Variants in SNAPC4 observed in about 807,000 individuals in gnomAD.
SNAPC4 encodes the protein snRNA-activating protein complex subunit 4.
In SNAPC4, 127 loss-of-function variants were observed where a neutral mutation model predicts 151.3. The ratio of observed to expected loss-of-function variants is 0.84; its 90% confidence interval spans 0.73 to 0.97. The LOEUF is 0.97. Ranked by LOEUF, SNAPC4 falls within the 50% of genes least tolerant of loss-of-function variation. SNAPC4 has a pLI of 0.00. For synonymous variants in SNAPC4, 1,002 were observed against 824.4 expected (o/e 1.22, Z -3.69); for missense variants, 2,186 against 1,935.0 (o/e 1.13, Z -2.43).
intron 22 of SNAPC4, 97 bp from the exon 23 acceptor site, chr9:136,376,578 G>A (rs1021609919): frequency 7.0e-5 from 102 of 1,457,024 alleles, no homozygotes; most frequent in Non-Finnish European, 9.0e-5. Flanking sequence ...GTGGGTGAGT[G>A]TCCCACTTGG....
At position 136,376,416 on chromosome 9, in the gene SNAPC4, G is replaced by A. The variant is rs1298192115; in HGVS notation, c.4350C>T (p.Asp1450=). Residue 1450 remains aspartate (D), a synonymous_variant, in exon 23 of 24, where the codon GAC becomes GAT. Transcript: ENST00000684778. ...CATGCCGGGTTCTGAGCACGTCCAG[G>A]TCGTCAGGGTCATTAGAAGTATCCA... is the stretch of plus-strand genomic sequence containing the variant. ...SCLDTSNDPD[D]LDVLRTRHAR... The A allele has an allele frequency of 3.7e-6, 6 of 1,613,508 alleles. No individual in the cohort carries two copies. The highest frequency in any genetic ancestry group is 1.7e-5 in the Admixed American group (1 of 60,030).
At chr9:136,376,558 G>A in intron 22 of SNAPC4, 77 bp from the exon 23 acceptor site, 1 of 1,560,118 alleles carries the variant, frequency 6.4e-7, no homozygotes, top group Non-Finnish European at 8.8e-7. Flanking sequence ...CGGGAGTGAG[G>A]AGGGGCCCTG....
chr9:136,387,818 A>G lies in SNAPC4; in HGVS notation c.1154T>C (p.Met385Thr). ...CTTGGTCCATCGGTAGATCAGCTGC[A>G]TGGAGTCTCTCCCTTCCATATAGTA... ...IVYYMEGRDS[M>T]QLIYRWTKSL... Residue 385 changes from methionine to threonine, a missense_variant, in exon 12 of 24, where the codon ATG (methionine) becomes ACG (threonine). Met to Thr is a moderately conservative substitution (Grantham distance 81). Transcript: ENST00000684778. 6.2e-7 allele frequency: 1 copy of G among 1,611,182 alleles called. No homozygotes were observed. The highest frequency in any genetic ancestry group is 1.1e-5 in the South Asian group (1 of 91,042).
Position 136,383,895 on chromosome 9 carries a change from C to A in SNAPC4, c.1500+58G>T. ...CCCTCCCCTCCTCCTGCCTGCTGGA[C>A]CCCCCAGTTGACCAGGCCATTGTCT... is the stretch of plus-strand genomic sequence containing the variant. On this transcript the variant is annotated intron_variant, in intron 15 of 23. Coordinates refer to ENST00000684778, the MANE Select transcript of SNAPC4 (RefSeq NM_003086.4). This position sits in a 1 kb window ranked among gnomAD's most constrained non-coding sequence, Gnocchi z 4.2. 1.4e-6 allele frequency: 2 copies of A among 1,470,708 alleles called. No homozygotes were observed. Among genetic ancestry groups the A allele is most frequent in the Non-Finnish European group, 1.9e-6 (2 of 1,051,350 alleles). 91.1% of individuals were successfully genotyped at this position (1,470,708 alleles called of 1,614,324 possible).
rs1296970805 is a variant in SNAPC4 at position 136,378,708 on chromosome 9, G to A, written c.3119C>T (p.Ala1040Val). ...GGGGGCTGCGGGGAGAAAGGGTGGC[G>A]CCTCAGGCAGGCCCTGCTTCCGGGA... ...AASRKQGLPE[A>V]PPFLPAAPSP... The change falls in exon 22 of 24, where the codon GCG becomes GTG. Residue 1040 changes from alanine (A) to valine (V), a missense_variant. Ala to Val is a moderately conservative substitution (Grantham distance 64, BLOSUM62 0). Coordinates refer to ENST00000684778, the MANE Select transcript of SNAPC4 (RefSeq NM_003086.4). 78 of 1,497,622 alleles carry A rather than the reference G, an allele frequency of 5.2e-5. No individual in the cohort carries two copies. The highest frequency in any genetic ancestry group is 6.7e-5 in the Non-Finnish European group (75 of 1,123,118). The allele number at this position is 1,497,622 out of a possible 1,614,324, so 92.8% of individuals were successfully genotyped here.
At chr9:136,376,101 A>G (rs1833435010) in intron 23 of SNAPC4, among the ~76,000 whole-genome samples, 1 of 152,178 alleles carries the variant, frequency 6.6e-6, no homozygotes, top group East Asian at 1.9e-4. Context: ...CAGACCCCAA[A>G]GGCAGGGAAT....
In SNAPC4 at chr9:136,395,365, C is replaced by A; in HGVS notation, c.404G>T (p.Ser135Ile). The A allele has an allele frequency of 6.2e-7, 1 of 1,613,604 alleles. No homozygotes were observed. Among genetic ancestry groups the A allele is most frequent in the Non-Finnish European group, 8.5e-7 (1 of 1,179,950 alleles). ...CCCCATGTATGTGCTTGGGGGCAGG[C>A]TTTTGCCATCTTTCACCTTGGTGCC... is the stretch of plus-strand genomic sequence containing the variant. ...SKGTKVKDGK[S>I]LPPSTYMGHF... is the part of the protein sequence containing the mutation. Residue 135 changes from serine (S) to isoleucine (I), a missense_variant, in exon 5 of 24, where the codon AGC becomes ATC. Ser to Ile is a moderately radical substitution (Grantham distance 142). Coordinates refer to ENST00000684778, the MANE Select transcript of SNAPC4 (RefSeq NM_003086.4).
At chr9:136,393,381 A>G (rs894234954) in intron 7 of SNAPC4, among the ~76,000 whole-genome samples, 13 of 152,370 alleles carry the variant, frequency 8.5e-5, no homozygotes, top group African/African-American at 2.4e-4. Context: ...GTGGCCCCAC[A>G]GAAGACAGAT....
At position 136,392,028 on chromosome 9, in the gene SNAPC4, A is replaced by G; in HGVS notation, c.889T>C (p.Trp297Arg). The G allele has an allele frequency of 6.2e-7, 1 of 1,611,164 alleles. No homozygotes were observed. The highest frequency in any genetic ancestry group is 8.5e-7 in the Non-Finnish European group (1 of 1,179,734). The change falls in exon 10 of 24, where the codon TGG becomes CGG. Residue 297 changes from tryptophan (W) to arginine (R), a missense_variant. Trp to Arg is a moderately radical substitution (Grantham distance 101). Transcript: ENST00000684778. ...AGCCGCTCCTCCTCCTCCCTGCTCC[A>G]CTCCTGCTTGTTGATGCTGGGGTGC... ...SEHPSINKQEWSREEEERLQA... is the reference protein window; with the variant it reads ...SEHPSINKQERSREEEERLQA...
In SNAPC4 at chr9:136,383,636, C is replaced by T. The variant is rs780055391; in HGVS notation, c.1533G>A (p.Arg511=). 1.2e-6 allele frequency: 2 copies of T among 1,609,704 alleles called. No individual in the cohort carries two copies. The highest frequency in any genetic ancestry group is 1.7e-6 in the Non-Finnish European group (2 of 1,177,968). ...AGCTCCACCGGACGCTGTGACGGGC[C>T]CTCCGCCGCCGCCTCCGGAGACCCT... The part of the protein sequence containing the change: ...KKQGLRRRRR[R]ARHSVRWSST... Residue 511 remains arginine, a synonymous_variant, in exon 16 of 24, where the codon AGG becomes AGA. Transcript: ENST00000684778. The surrounding 1 kb of genome is among the most constrained non-coding windows in gnomAD (Gnocchi z 4.2).
At position 136,379,302 on chromosome 9, in the gene SNAPC4, G is replaced by T; in HGVS notation, c.2528-3C>A. The T allele has an allele frequency of 6.2e-7, 1 of 1,612,346 alleles. No homozygotes were observed. The highest frequency in any genetic ancestry group is 8.5e-7 in the Non-Finnish European group (1 of 1,179,816). ...CGGCACGTTTGGGAAGAGGTGGCCTGTGGGGAGGAAAGACCCACACTTGAT... is the reference window on the plus strand; with the variant it reads ...CGGCACGTTTGGGAAGAGGTGGCCTTTGGGGAGGAAAGACCCACACTTGAT... On this transcript the variant is annotated splice_region_variant and splice_polypyrimidine_tract_variant and intron_variant, in intron 21 of 23. Coordinates refer to ENST00000684778, the MANE Select transcript of SNAPC4 (RefSeq NM_003086.4).
At position 136,392,765 on chromosome 9, in the gene SNAPC4, C is replaced by T. The variant is rs762025856; in HGVS notation, c.645G>A (p.Leu215=). 3 of 1,613,392 alleles carry T rather than the reference C, an allele frequency of 1.9e-6. No homozygotes were observed. The highest frequency in any genetic ancestry group is 2.5e-6 in the Non-Finnish European group (3 of 1,180,000). ...TGGAGACTTTGCTCTGCTTCTGGTG[C>T]AAGTACTCGAGCCTGCAAAGCAGAG... ...LQPKLLKLEY[L]HQKQSKVSSE... Residue 215 remains leucine (L), a synonymous_variant, in exon 8 of 24, where the codon TTG becomes TTA. Transcript: ENST00000684778.
Position 136,383,035 on chromosome 9 carries a change from A to T in SNAPC4, c.1983+151T>A. Reference sequence around the variant, plus strand: ...GGAGGCTTCCCCAACAGTCCCCCCGACGCACAGCTGTCCAGAGCTCAGCCA... The same window carrying T: ...GGAGGCTTCCCCAACAGTCCCCCCGTCGCACAGCTGTCCAGAGCTCAGCCA... On this transcript the variant is annotated intron_variant, in intron 16 of 23. Transcript: ENST00000684778. This position sits in a 1 kb window ranked among gnomAD's most constrained non-coding sequence, Gnocchi z 4.2. The T allele has an allele frequency of 7.7e-7, 1 of 1,291,250 alleles. No individual in the cohort carries two copies. The highest frequency in any genetic ancestry group is 2.7e-5 in the East Asian group (1 of 37,456). The allele number at this position is 1,291,250 out of a possible 1,614,324, so 80.0% of individuals were successfully genotyped here.
chr9:136,383,170 C>T lies in SNAPC4; in HGVS notation c.1983+16G>A, dbSNP rs764294924. 1 of 1,519,276 alleles carries T rather than the reference C, an allele frequency of 6.6e-7. No homozygotes were observed. Among genetic ancestry groups the T allele is most frequent in the South Asian group, 1.3e-5 (1 of 76,098 alleles). The allele number at this position is 1,519,276 out of a possible 1,614,324, so 94.1% of individuals were successfully genotyped here. A position where few individuals can be genotyped will look rare whatever the true frequency, so the allele number is the denominator to read the frequency against. ...GAAAGTGCACTTCCCGTGGTACACC[C>T]AGGGCCGGGGCCTACCTCCAGGGCC... On this transcript the variant is annotated intron_variant, in intron 16 of 23. Coordinates refer to ENST00000684778, the MANE Select transcript of SNAPC4 (RefSeq NM_003086.4). This position sits in a 1 kb window ranked among gnomAD's most constrained non-coding sequence, Gnocchi z 4.2.
chr9:136,377,498 G>T lies in SNAPC4; in HGVS notation c.4284+45C>A, dbSNP rs375042637. 317 of 1,495,916 alleles carry T rather than the reference G, an allele frequency of 2.1e-4. 1 individual carries two copies. The East Asian group carries it at 4.3e-3, about 20-fold the overall frequency. 92.7% of individuals were successfully genotyped at this position (1,495,916 alleles called of 1,614,324 possible). ...TCCAGGCAGGCGAGGGCACCCCAGG[G>T]ACCGCCGCCTGCCATGGGGAAGTGG... On this transcript the variant is annotated intron_variant, in intron 22 of 23. Transcript: ENST00000684778.
intron 13 of SNAPC4, among the ~76,000 whole-genome samples, 154 bp from the exon 14 acceptor site, chr9:136,384,968 C>G (rs1161010990): frequency 5.3e-5 from 8 of 152,200 alleles, no homozygotes; most frequent in Non-Finnish European, 1.2e-4. Flanking sequence ...AAAGCTAAAG[C>G]TTTTGTGTCC....
At chr9:136,387,642 T>C (rs1588754951) in intron 12 of SNAPC4, 63 bp from the exon 13 acceptor site, 1 of 1,432,608 alleles carries the variant, frequency 7.0e-7, no homozygotes, top group Non-Finnish European at 9.9e-7. Context: ...CTCCCCACCC[T>C]GAACCCAGTC....
At chr9:136,389,565 C>T (rs112177666) in intron 10 of SNAPC4, among the ~76,000 whole-genome samples, 20 of 152,180 alleles carry the variant, frequency 1.3e-4, no homozygotes, top group African/African-American at 4.8e-4. Context: ...AGCTGCAGGG[C>T]AATCCTAGTC....
chr9:136,378,956 G>T lies in SNAPC4; in HGVS notation c.2871C>A (p.Ala957=). 3.7e-6 allele frequency: 6 copies of T among 1,609,022 alleles called. No individual in the cohort carries two copies. The highest frequency in any genetic ancestry group is 5.1e-6 in the Non-Finnish European group (6 of 1,178,706). ...AAGTGCCAGGTTTGGCTGCCGCGGG[G>T]GCCCCAGGCCCAGAGAGCGGTACAT... ...VLNVPLSGPG[A]PAAAKPGTSG... is the part of the protein sequence containing the mutation. Residue 957 remains alanine (A), a synonymous_variant, in exon 22 of 24, where the codon GCC becomes GCA. Transcript: ENST00000684778.
Sources: gnomAD v4.1 joint callset for allele counts (sites outside exome capture counted in the v4.1 genomes callset) on GRCh38, gnomAD v4.1.1 for gene constraint, Gnocchi (gnomAD v3.1) non-coding constraint, MANE v1.5 for transcripts, NCBI Gene and HGNC (gene_info 2026-07-23, HGNC 2026-07-21) for gene names.